Variants in SLC1A2 observed in about 807,000 individuals in gnomAD.
SLC1A2 encodes excitatory amino acid transporter 2.
SLC1A2 carries 15 observed loss-of-function variants against 48.8 expected under a neutral mutation model. That is an observed-to-expected ratio of 0.31 (90% CI 0.21 to 0.47). SLC1A2 has a LOEUF of 0.47. SLC1A2 is among the 20% of genes least tolerant of loss of function. The pLI, the probability that SLC1A2 is intolerant of heterozygous loss-of-function variation, is 0.99. For synonymous variants in SLC1A2, 279 were observed against 272.6 expected (o/e 1.02, Z -0.23); for missense variants, 502 against 730.5 (o/e 0.69, Z 3.61).
At chr11:35,297,045 T>C (rs1303224806) in intron 6 of SLC1A2, among the ~76,000 whole-genome samples, 1 of 151,768 alleles carries the variant, frequency 6.6e-6, no homozygotes, top group Non-Finnish European at 1.5e-5. Context: ...AAAAAAAAAA[T>C]GGATGGATTG....
At chr11:35,339,630 T>G (rs781180208) in intron 1 of SLC1A2, among the ~76,000 whole-genome samples, 62 of 152,192 alleles carry the variant, frequency 4.1e-4, no homozygotes, top group Non-Finnish European at 7.8e-4. Context: ...ATTCAAGCAT[T>G]TTTTAATGAT....
chr11:35,275,250 A>C (rs1338440499), intron 9 of SLC1A2, among the ~76,000 whole-genome samples: 2 of 152,224 alleles, frequency 1.3e-5, no homozygotes, highest in Non-Finnish European at 1.5e-5. Context: ...CCCAATTAGC[A>C]CATGTGAGCC....
At chr11:35,411,853 T>C (rs184007561) in intron 1 of SLC1A2, among the ~76,000 whole-genome samples, 1 of 152,356 alleles carries the variant, frequency 6.6e-6, no homozygotes, top group African/African-American at 2.4e-5. Flanking sequence ...GGTGACATTT[T>C]CTTTTGAATG....
At chr11:35,372,121 G>A (rs1854081527) in intron 1 of SLC1A2, among the ~76,000 whole-genome samples, 1 of 152,212 alleles carries the variant, frequency 6.6e-6, no homozygotes, top group South Asian at 2.1e-4. Context: ...AGGTGACTTG[G>A]AGAGAAAGTA....
chr11:35,361,417 C>T (rs1287783856), intron 1 of SLC1A2, among the ~76,000 whole-genome samples: 2 of 152,146 alleles, frequency 1.3e-5, no homozygotes, highest in Non-Finnish European at 2.9e-5. Context: ...AAGGAACATA[C>T]TCTGAAGCAA....
At chr11:35,353,398 C>T (rs117829856) in intron 1 of SLC1A2, among the ~76,000 whole-genome samples, 2,700 of 136,050 alleles carry the variant, frequency 0.02, 39 homozygotes, top group Non-Finnish European at 0.03. Flanking sequence ...CTCCAGGAAG[C>T]TTCCCTGACC....
At chr11:35,299,716 A>AAAG (rs3046407) in intron 6 of SLC1A2, 84,822 of 151,694 alleles carry the variant, frequency 0.56, 25,677 homozygotes, top group East Asian at 0.74. Flanking sequence ...TGGAGATAAA[A>AAAG]AAGAACAGAT....
At position 35,306,209 on chromosome 11, in the gene SLC1A2, G is replaced by T. The variant is rs142374967; in HGVS notation, c.595C>A (p.Pro199Thr). The T allele has an allele frequency of 1.2e-6, 2 of 1,613,780 alleles. No individual in the cohort carries two copies. The highest frequency in any genetic ancestry group is 1.7e-6 in the Non-Finnish European group (2 of 1,179,916). ...QTVTKKVLVA[P>T]PPDEEANATS... ...GCGTTGGCCTCCTCGTCCGGCGGTG[G>T]TGCAACCAGGACTTTCTTCGTCACT... The change falls in exon 5 of 11, where the codon CCA (proline) becomes ACA (threonine). Residue 199 changes from proline to threonine, a missense_variant. Physicochemically the swap from Pro to Thr is conservative, Grantham distance 38 (BLOSUM62 -1). This residue lies in a region of SLC1A2 where 309 missense variants were observed against 480.3 expected (regional missense o/e 0.64). Coordinates refer to ENST00000278379, the MANE Select transcript of SLC1A2 (RefSeq NM_004171.4).
chr11:35,374,515 G>T, intron 1 of SLC1A2: 1 of 246,348 alleles, frequency 4.1e-6, no homozygotes. Flanking sequence ...GGCCATATTG[G>T]AAGAAGAAAC....
At chr11:35,321,327 AGT>A (rs756128173) in intron 1 of SLC1A2, among the ~76,000 whole-genome samples, 11 of 152,160 alleles carry the variant, frequency 7.2e-5, no homozygotes, top group African/African-American at 9.7e-5. Flanking sequence ...GAAGGATAGC[AGT>A]GTGTGGGGAG....
At chr11:35,281,919 A>AG (rs1850648578) in intron 8 of SLC1A2, 1 of 152,164 alleles carries the variant, frequency 6.6e-6, no homozygotes, top group Non-Finnish European at 1.5e-5. Context: ...CCAAAAGGTA[A>AG]GGGGGACTGC....
chr11:35,349,389 T>C lies in SLC1A2; in HGVS notation c.18-31873A>G, dbSNP rs116053965. ...AATCCTCGGAGGCATAGATTCTTTCTGTGCCCTAGAGACCAACAAACCTTG... is the reference window on the plus strand; with the variant it reads ...AATCCTCGGAGGCATAGATTCTTTCCGTGCCCTAGAGACCAACAAACCTTG... On this transcript the variant is annotated intron_variant, in intron 1 of 10. Transcript: ENST00000278379. Among the ~76,000 whole-genome samples, 960 of 152,338 alleles carry C rather than the reference T, an allele frequency of 6.3e-3. 17 individuals are homozygous for C. Among genetic ancestry groups the C allele is most frequent in the African/African-American group, 0.022 (894 of 41,570 alleles).
At position 35,286,868 on chromosome 11, in the gene SLC1A2, A is replaced by G. The variant is rs748305450; in HGVS notation, c.1175T>C (p.Val392Ala). ...DKRVTRFVLPVGATINMDGTA... is the reference protein window; with the variant it reads ...DKRVTRFVLPAGATINMDGTA... The stretch of plus-strand genomic sequence containing the variant: ...ACCATCCATGTTAATGGTTGCTCCA[A>G]CAGGAAGGACGAATCTAGTCACACG... The change falls in exon 8 of 11, where the codon GTT becomes GCT. Residue 392 changes from valine to alanine, a missense_variant. This residue lies in a region of SLC1A2 where 309 missense variants were observed against 480.3 expected (regional missense o/e 0.64). Coordinates refer to ENST00000278379, the MANE Select transcript of SLC1A2 (RefSeq NM_004171.4). 5.6e-6 allele frequency: 9 copies of G among 1,613,964 alleles called. No individual in the cohort carries two copies. The highest frequency in any genetic ancestry group is 7.6e-6 in the Non-Finnish European group (9 of 1,179,940).
At chr11:35,269,938 C>G (rs1850232689) in intron 9 of SLC1A2, among the ~76,000 whole-genome samples, 1 of 151,938 alleles carries the variant, frequency 6.6e-6, no homozygotes, top group African/African-American at 2.4e-5. Flanking sequence ...TAAACCCAGT[C>G]TCTACTAAAA....
At chr11:35,282,118 C>G (rs1400507001) in intron 8 of SLC1A2, among the ~76,000 whole-genome samples, 1 of 152,038 alleles carries the variant, frequency 6.6e-6, no homozygotes, top group Non-Finnish European at 1.5e-5. Context: ...GTTTTTTCCC[C>G]TATTGCCATC....
intron 1 of SLC1A2, among the ~76,000 whole-genome samples, chr11:35,356,606 C>T (rs564041102): frequency 6.6e-6 from 1 of 152,332 alleles, no homozygotes; most frequent in African/African-American, 2.4e-5. Context: ...TTCAAGGATC[C>T]TTCTCAGACA....
chr11:35,263,517 CA>C (rs1215379619), intron 10 of SLC1A2, among the ~76,000 whole-genome samples: 1 of 152,070 alleles, frequency 6.6e-6, no homozygotes, highest in Non-Finnish European at 1.5e-5. Context: ...TGATGTCCTT[CA>C]AAAACAAATC....
chr11:35,357,246 G>A (rs1410342539), intron 1 of SLC1A2, among the ~76,000 whole-genome samples: 1 of 142,466 alleles, frequency 7.0e-6, no homozygotes, highest in Admixed American at 7.1e-5. Flanking sequence ...AACTGAGCGA[G>A]ACTCTATATC....
chr11:35,290,833 C>T (rs10488818), intron 7 of SLC1A2, among the ~76,000 whole-genome samples: 39,225 of 151,684 alleles, frequency 0.26, 5,210 homozygotes, highest in Admixed American at 0.3. Flanking sequence ...TCTTCGGAAA[C>T]TGGGTAAAGA....
Sources: gnomAD v4.1 joint callset for allele counts (sites outside exome capture counted in the v4.1 genomes callset) on GRCh38, gnomAD v4.1.1 for gene constraint, gnomAD v4.1.1 regional missense constraint, MANE v1.5 for transcripts, NCBI Gene and HGNC (gene_info 2026-07-23, HGNC 2026-07-21) for gene names.